The following RAD51C variants were observed in gnomAD, a reference collection of about 807,000 sequenced individuals.
RAD51C encodes DNA repair protein RAD51 homolog 3.
RAD51C carries 42 observed loss-of-function variants against 45.0 expected under a neutral mutation model. The observed-to-expected ratio is 0.93, with a 90% confidence interval of 0.73 to 1.21. RAD51C has a LOEUF of 1.21. Ranked by LOEUF, RAD51C falls within the 50% of genes most tolerant of loss-of-function variation. The pLI, the probability that RAD51C is intolerant of heterozygous loss-of-function variation, is 0.00. For synonymous variants in RAD51C, 172 were observed against 159.8 expected (o/e 1.08, Z -0.58); for missense variants, 474 against 452.2 (o/e 1.05, Z -0.44).
intron 7 of RAD51C, among the ~76,000 whole-genome samples, chr17:58,729,873 C>CT (rs2144024814): frequency 6.6e-6 from 1 of 152,114 alleles, no homozygotes; most frequent in South Asian, 2.1e-4. Flanking sequence ...GCCCGGCCGA[C>CT]TTTAGGATTC....
chr17:58,720,428 A>T (rs1029914311), intron 5 of RAD51C, among the ~76,000 whole-genome samples: 2 of 87,500 alleles, frequency 2.3e-5, no homozygotes, highest in Non-Finnish European at 6.5e-5. Flanking sequence ...AAAAAAAAAT[A>T]AAATAAAAAA....
intron 3 of RAD51C, among the ~76,000 whole-genome samples, chr17:58,700,761 A>G (rs1034647000): frequency 6.6e-6 from 1 of 152,176 alleles, no homozygotes; most frequent in Non-Finnish European, 1.5e-5. Flanking sequence ...AATGATTGAT[A>G]TGAGATTAAA....
At chr17:58,729,427 C>G (rs2049317593) in intron 7 of RAD51C, among the ~76,000 whole-genome samples, 1 of 151,668 alleles carries the variant, frequency 6.6e-6, no homozygotes, top group Non-Finnish European at 1.5e-5. Context: ...CCATGTTGGT[C>G]AGGCTGGCCT....
intron 5 of RAD51C, among the ~76,000 whole-genome samples, chr17:58,719,360 G>A (rs2048840204): frequency 6.6e-6 from 1 of 151,734 alleles, no homozygotes; most frequent in Non-Finnish European, 1.5e-5. Context: ...CTACAGTTGT[G>A]CACCACCATG....
At chr17:58,700,543 C>A (rs1279852315) in intron 3 of RAD51C, among the ~76,000 whole-genome samples, 1 of 151,930 alleles carries the variant, frequency 6.6e-6, no homozygotes, top group East Asian at 1.9e-4. Flanking sequence ...CCTGGGTTCA[C>A]GCCATTCTCC....
At chr17:58,714,554 G>A (rs1338020458) in intron 5 of RAD51C, among the ~76,000 whole-genome samples, 1 of 152,136 alleles carries the variant, frequency 6.6e-6, no homozygotes, top group Non-Finnish European at 1.5e-5. Flanking sequence ...TGCCTCCTGG[G>A]TTCAAGAGAT....
intron 7 of RAD51C, among the ~76,000 whole-genome samples, chr17:58,724,893 G>C (rs1362769517): frequency 6.6e-6 from 1 of 152,034 alleles, no homozygotes; most frequent in East Asian, 1.9e-4. Context: ...GGAATAAAAG[G>C]TCACTTAAAT....
At chr17:58,697,352 A>G (rs777578769) in intron 3 of RAD51C, among the ~76,000 whole-genome samples, 1 of 152,142 alleles carries the variant, frequency 6.6e-6, no homozygotes, top group Non-Finnish European at 1.5e-5. Flanking sequence ...CCTGGCCAAC[A>G]TGATGAAACC....
intron 7 of RAD51C, chr17:58,732,225 T>C: frequency 5.4e-6 from 2 of 369,954 alleles, no homozygotes; most frequent in Non-Finnish European, 5.0e-6. Context: ...AAGTAATATC[T>C]CATCATATGT....
chr17:58,734,178 T>C lies in RAD51C; in HGVS notation c.1087T>C (p.Leu363=), dbSNP rs766809303. The C allele has an allele frequency of 1.2e-6, 2 of 1,613,644 alleles. No individual in the cohort carries two copies. Among genetic ancestry groups the C allele is most frequent in the South Asian group, 2.2e-5 (2 of 90,964 alleles). ...SACSLQTEGS[L]STRKRSRDPE... is the part of the protein sequence containing the mutation. ...ATGTTCATTGCAAACAGAAGGTTCC[T>C]TGAGCACCCGGAAACGGTCACGAGA... is the stretch of plus-strand genomic sequence containing the variant. Residue 363 remains leucine (L), a synonymous_variant, in exon 9 of 9, where the codon TTG becomes CTG. Coordinates refer to ENST00000337432, the MANE Select transcript of RAD51C (RefSeq NM_058216.3).
At chr17:58,728,719 G>A (rs955128107) in intron 7 of RAD51C, among the ~76,000 whole-genome samples, 1 of 152,138 alleles carries the variant, frequency 6.6e-6, no homozygotes, top group Non-Finnish European at 1.5e-5. Context: ...ATCTTGAATA[G>A]CCAAATTATA....
chr17:58,701,722 C>T (rs887429605), intron 3 of RAD51C, among the ~76,000 whole-genome samples: 4 of 151,378 alleles, frequency 2.6e-5, no homozygotes, highest in African/African-American at 9.7e-5. Flanking sequence ...AGGCATGCAC[C>T]ACCACACCAA....
intron 1 of RAD51C, chr17:58,694,678 T>C (rs2047928543): frequency 2.2e-6 from 1 of 450,798 alleles, no homozygotes. Flanking sequence ...TTTCACCATG[T>C]TGGCCAGGCT....
At chr17:58,731,539 G>T (rs375686834) in intron 7 of RAD51C, among the ~76,000 whole-genome samples, 2 of 152,184 alleles carry the variant, frequency 1.3e-5, no homozygotes, top group South Asian at 4.1e-4. Flanking sequence ...GATTGCAGGC[G>T]TGAGCCACCG....
In RAD51C at chr17:58,721,747, G is replaced by A. The variant is rs970510362; in HGVS notation, c.904+935G>A. 6.7e-5 allele frequency among the ~76,000 whole-genome samples: 10 copies of A among 150,076 alleles called. No homozygotes were observed. In the South Asian group the frequency reaches 2.1e-3, roughly 31 times the overall value. ...GCACTCCAGCCTGGGCAACAAGAGT[G>A]AAACTCTGTCTCAAAAAAAAAAAAA... On this transcript the variant is annotated intron_variant, in intron 6 of 8. Transcript: ENST00000337432.
At chr17:58,702,538 C>T (rs1227761087) in intron 3 of RAD51C, among the ~76,000 whole-genome samples, 1 of 151,750 alleles carries the variant, frequency 6.6e-6, no homozygotes, top group Non-Finnish European at 1.5e-5. Flanking sequence ...ACTAAAAATA[C>T]AAAAATTAGC....
intron 3 of RAD51C, among the ~76,000 whole-genome samples, chr17:58,701,148 G>T (rs1010591758): frequency 1.3e-5 from 2 of 151,710 alleles, no homozygotes; most frequent in African/African-American, 4.8e-5. Context: ...AGATCTGCGT[G>T]CCTTGGCCTC....
chr17:58,733,230 A>G (rs1274192644), intron 8 of RAD51C, among the ~76,000 whole-genome samples: 1 of 152,122 alleles, frequency 6.6e-6, no homozygotes, highest in African/African-American at 2.4e-5. Flanking sequence ...TGGCCAGACT[A>G]GTCTCAAACT....
chr17:58,707,870 C>T (rs1006934878), intron 4 of RAD51C, among the ~76,000 whole-genome samples: 1 of 152,172 alleles, frequency 6.6e-6, no homozygotes, highest in Admixed American at 6.5e-5. Context: ...TGTAGATGGC[C>T]ACCTTCTTGC....
Sources: allele counts gnomAD v4.1 joint callset (sites outside exome capture counted in the v4.1 genomes callset), GRCh38; gene constraint gnomAD v4.1.1; transcripts MANE v1.5; gene names NCBI Gene and HGNC (gene_info 2026-07-23, HGNC 2026-07-21).